Variants in RAPH1 observed in about 807,000 individuals in gnomAD.
RAPH1 encodes ras-associated and pleckstrin homology domains-containing protein 1.
Under a neutral mutation model 88.1 loss-of-function variants are expected in RAPH1, and 18 were observed. The observed-to-expected ratio is 0.20, with a 90% CI of 0.14 to 0.30. RAPH1 has a LOEUF of 0.30. RAPH1 is among the 10% of genes least tolerant of loss of function. The pLI is 1.00. For synonymous variants in RAPH1, 587 were observed against 559.0 expected (o/e 1.05, Z -0.71); for missense variants, 1,448 against 1,543.2 (o/e 0.94, Z 1.03).
In RAPH1 at chr2:203,497,584, A is replaced by AT. The variant is rs1314644767; in HGVS notation, c.1-2232dup. Among the ~76,000 whole-genome samples the AT allele has an allele frequency of 2.0e-5, 3 of 152,252 alleles. No homozygotes were observed. The East Asian group carries it at 5.8e-4, about 29-fold the overall frequency. On this transcript the variant is annotated intron_variant, in intron 1 of 13. Transcript: ENST00000319170. ...CTCATTTAATTACTTAAGGGAAATA[A>AT]TTTTCTAATTCTCCTAATACTGGGA...
Position 203,439,132 on chromosome 2 carries a change from C to A in RAPH1, c.*305G>T. 1 of 282,244 alleles carries A rather than the reference C, an allele frequency of 3.5e-6. No homozygotes were observed. Among genetic ancestry groups the A allele is most frequent in the African/African-American group, 2.1e-5 (1 of 47,316 alleles). 17.5% of individuals were successfully genotyped at this position (282,244 alleles called of 1,614,324 possible). A position where few individuals can be genotyped will look rare whatever the true frequency, so the allele number is the denominator to read the frequency against. The stretch of plus-strand genomic sequence containing the variant: ...GAAATCTTAAGAGACAACACACATC[C>A]CCTTCTATGCCTCTTCCACCCAAAA... On this transcript the variant is annotated 3_prime_UTR_variant, in exon 14 of 14. Transcript: ENST00000319170.
chr2:203,529,329 T>C (rs1350699763), intron 1 of RAPH1, among the ~76,000 whole-genome samples: 1 of 151,916 alleles, frequency 6.6e-6, no homozygotes, highest in East Asian at 1.9e-4. Flanking sequence ...AGTAAAATCC[T>C]TCTAAAAGTA....
intron 4 of RAPH1, among the ~76,000 whole-genome samples, chr2:203,462,599 A>G (rs1023439055): frequency 5.3e-5 from 8 of 152,076 alleles, no homozygotes; most frequent in African/African-American, 1.9e-4. Context: ...TTTACTGACA[A>G]TATTTTTAAA....
rs566237475 is a variant in RAPH1 at position 203,504,670 on chromosome 2, T to TAAA, written c.1-9320_1-9318dup. On this transcript the variant is annotated intron_variant, in intron 1 of 13. Transcript: ENST00000319170. The stretch of plus-strand genomic sequence containing the variant: ...TTCTGCAGCTGGATTGAATTTCTCC[T>TAAA]AAAAAAAAAAAAAAAGTTTGTCTTT... Among the ~76,000 whole-genome samples the TAAA allele has an allele frequency of 3.3e-3, 464 of 141,148 alleles. 3 individuals are homozygous for TAAA. The highest frequency in any genetic ancestry group is 0.011 in the African/African-American group (434 of 38,876). 92.6% of individuals were successfully genotyped at this position (141,148 alleles called of 152,430 possible). A position where few individuals can be genotyped will look rare whatever the true frequency, so the allele number is the denominator to read the frequency against.
rs955833845 is a variant in RAPH1, at chr2:203,441,982, T to C, written c.1777-569A>G. On this transcript the variant is annotated intron_variant, in intron 13 of 13. Coordinates refer to ENST00000319170, the MANE Select transcript of RAPH1 (RefSeq NM_213589.3). ...CACAGTCACACAGGAATGAATAAGCTTGACACACACACTCGTGTTGGTGTG... is the reference window on the plus strand; with the variant it reads ...CACAGTCACACAGGAATGAATAAGCCTGACACACACACTCGTGTTGGTGTG... 133 of 1,518,232 alleles carry C rather than the reference T, an allele frequency of 8.8e-5. No homozygotes were observed. In the African/African-American group the frequency reaches 1.6e-3, roughly 19 times the overall value. 94.0% of individuals were successfully genotyped at this position (1,518,232 alleles called of 1,614,324 possible).
Position 203,479,747 on chromosome 2 carries a change from C to T in RAPH1, c.732+9837G>A, listed in dbSNP as rs191401176. ...AAGGATATATGTGAAGTGACAAAAACAATACAAAATAGTAAATAAACAAAG... is the reference window on the plus strand; with the variant it reads ...AAGGATATATGTGAAGTGACAAAAATAATACAAAATAGTAAATAAACAAAG... On this transcript the variant is annotated intron_variant, in intron 4 of 13. Coordinates refer to ENST00000319170, the MANE Select transcript of RAPH1 (RefSeq NM_213589.3). Among the ~76,000 whole-genome samples, 781 of 151,752 alleles carry T rather than the reference C, an allele frequency of 5.1e-3. 18 individuals are homozygous for T. Among genetic ancestry groups the T allele is most frequent in the South Asian group, 0.042 (203 of 4,810 alleles).
At position 203,448,789 on chromosome 2, in the gene RAPH1, A is replaced by C; in HGVS notation, c.1461T>G (p.Cys487Trp). The C allele has an allele frequency of 6.2e-7, 1 of 1,612,164 alleles. No individual in the cohort carries two copies. Among genetic ancestry groups the C allele is most frequent in the African/African-American group, 1.3e-5 (1 of 74,936 alleles). Residue 487 changes from cysteine to tryptophan, a missense_variant, in exon 11 of 14, where the codon TGT becomes TGG. Physicochemically the swap from Cys to Trp is radical, Grantham distance 215. Coordinates refer to ENST00000319170, the MANE Select transcript of RAPH1 (RefSeq NM_213589.3). The surrounding 1 kb of genome is among the most constrained non-coding windows in gnomAD (Gnocchi z 4.1). The part of the protein sequence containing the change: ...KKSQYIKYLC[C>W]DDVRTLHQWV... ...ACTGATGCAGTGTCCTCACATCATC[A>C]CAACAAAGGTATTTGATATATTGAG...
intron 1 of RAPH1, among the ~76,000 whole-genome samples, chr2:203,510,884 CTCTG>C (rs747017944): frequency 1.3e-5 from 2 of 151,906 alleles, no homozygotes; most frequent in African/African-American, 2.4e-5. Flanking sequence ...CATAGCGAGA[CTCTG>C]TCTGTATTAA....
At chr2:203,456,770 T>G (rs1041550091) in intron 8 of RAPH1, among the ~76,000 whole-genome samples, 6 of 152,228 alleles carry the variant, frequency 3.9e-5, no homozygotes, top group African/African-American at 1.4e-4. Flanking sequence ...CTAAGTTATT[T>G]GATTTTAGTT....
intron 1 of RAPH1, among the ~76,000 whole-genome samples, chr2:203,521,344 G>A (rs565234219): frequency 1.3e-5 from 2 of 152,144 alleles, no homozygotes; most frequent in African/African-American, 4.8e-5. Context: ...ATGAGCCACT[G>A]CACCCAGCCA....
intron 1 of RAPH1, among the ~76,000 whole-genome samples, chr2:203,534,508 A>ACCCCCC (rs71007530): frequency 5.2e-5 from 1 of 19,120 alleles, no homozygotes; most frequent in Non-Finnish European, 1.7e-4. Context: ...CCCTCCGTCC[A>ACCCCCC]CCCCCCCCCC....
At position 203,441,114 on chromosome 2, in the gene RAPH1, C is replaced by T. The variant is rs1363323870; in HGVS notation, c.2076G>A (p.Met692Ile). 6 of 1,610,138 alleles carry T rather than the reference C, an allele frequency of 3.7e-6. No individual in the cohort carries two copies. The highest frequency in any genetic ancestry group is 3.3e-5 in the South Asian group (3 of 90,884). The change falls in exon 14 of 14, where the codon ATG becomes ATA. Residue 692 changes from methionine to isoleucine, a missense_variant. Transcript: ENST00000319170. ...ALFKPPTPPVMQSQSVKPQIL... is the reference protein window; with the variant it reads ...ALFKPPTPPVIQSQSVKPQIL... Reference sequence around the variant, plus strand: ...TCTGAGGCTTCACTGACTGTGACTGCATCACTGGGGGTGTTGGCGGCTTAA... The same window carrying T: ...TCTGAGGCTTCACTGACTGTGACTGTATCACTGGGGGTGTTGGCGGCTTAA...
intron 1 of RAPH1, among the ~76,000 whole-genome samples, chr2:203,512,377 A>G (rs1581391855): frequency 6.6e-6 from 1 of 151,686 alleles, no homozygotes; most frequent in East Asian, 1.9e-4. Context: ...AAAAACCCAA[A>G]AAACAAAAAA....
intron 7 of RAPH1, among the ~76,000 whole-genome samples, chr2:203,458,733 G>A (rs1446478816): frequency 1.3e-5 from 2 of 151,834 alleles, no homozygotes; most frequent in African/African-American, 4.8e-5. Flanking sequence ...AGAACCCATG[G>A]ATATAGAGGG....
At chr2:203,476,048 T>G (rs1354372820) in intron 4 of RAPH1, among the ~76,000 whole-genome samples, 1 of 152,218 alleles carries the variant, frequency 6.6e-6, no homozygotes, top group African/African-American at 2.4e-5. Context: ...ATTTAAAATT[T>G]TGTTAGCCAC....
chr2:203,455,316 T>C, intron 9 of RAPH1, 121 bp downstream of exon 9: 1 of 903,038 alleles, frequency 1.1e-6, no homozygotes, highest in Non-Finnish European at 1.7e-6. Flanking sequence ...CAAAGCAATA[T>C]TCTATGTCTT....
chr2:203,438,267 T>A lies in RAPH1; in HGVS notation c.*1170A>T, dbSNP rs879180406. 2 of 474,422 alleles carry A rather than the reference T, an allele frequency of 4.2e-6. No homozygotes were observed. The highest frequency in any genetic ancestry group is 3.1e-5 in the South Asian group (2 of 65,194). The allele number at this position is 474,422 out of a possible 1,614,324, so 29.4% of individuals were successfully genotyped here. ...AATGAGCTTTTTGTATTACATATTA[T>A]AACCCATATACAACCAGATTAATGA... On this transcript the variant is annotated 3_prime_UTR_variant, in exon 14 of 14. Transcript: ENST00000319170.
intron 4 of RAPH1, among the ~76,000 whole-genome samples, chr2:203,481,375 T>C (rs987111805): frequency 6.6e-6 from 1 of 152,074 alleles, no homozygotes; most frequent in African/African-American, 2.4e-5. Flanking sequence ...CCACAAGGTG[T>C]TGGGCTCTGC....
chr2:203,520,196 G>C (rs961276133), intron 1 of RAPH1, among the ~76,000 whole-genome samples: 1 of 152,008 alleles, frequency 6.6e-6, no homozygotes, highest in Non-Finnish European at 1.5e-5. Context: ...CCCAGGCCTG[G>C]TGGCAACCAC....
Sources: gnomAD v4.1 joint callset for allele counts (sites outside exome capture counted in the v4.1 genomes callset) on GRCh38, gnomAD v4.1.1 for gene constraint, Gnocchi (gnomAD v3.1) non-coding constraint, MANE v1.5 for transcripts, NCBI Gene and HGNC (gene_info 2026-07-23, HGNC 2026-07-21) for gene names.